The following KLF8 variants were observed in gnomAD, a reference collection of about 807,000 sequenced individuals.
KLF8 encodes the protein Krueppel-like factor 8.
KLF8 carries 10 observed loss-of-function variants against 18.2 expected under a neutral mutation model. The ratio of observed to expected loss-of-function variants is 0.55; its 90% CI spans 0.34 to 0.93. The LOEUF (loss-of-function observed/expected upper bound fraction) is 0.93, where lower values mean the gene tolerates loss of function less well. Ranked by LOEUF, KLF8 falls within the 40% of genes least tolerant of loss-of-function variation. KLF8 has a pLI of 0.02. For synonymous variants in KLF8, 109 were observed against 97.3 expected (o/e 1.12, Z -0.71); for missense variants, 264 against 277.9 (o/e 0.95, Z 0.36).
the KLF8 span, among the ~76,000 whole-genome samples, chrX:56,001,889 GC>G: frequency 8.9e-6 from 1 of 111,799 alleles, no homozygotes; most frequent in Admixed American, 9.5e-5. Context: ...TCACATAGTA[GC>G]CAGTGCAATC....
chrX:56,203,583 A>G, the KLF8 span, among the ~76,000 whole-genome samples: 10 of 112,459 alleles, frequency 8.9e-5, no homozygotes, highest in African/African-American at 2.9e-4. Context: ...TCTTTAATCC[A>G]TTTTGATTTT....
At chrX:55,989,648 T>C in the KLF8 span, among the ~76,000 whole-genome samples, 1 of 111,340 alleles carries the variant, frequency 9.0e-6, no homozygotes, top group East Asian at 2.8e-4. Context: ...GTCGGGGATA[T>C]TGGTCTAAAA....
chrX:56,062,967 C>G, the KLF8 span, among the ~76,000 whole-genome samples: 7 of 110,436 alleles, frequency 6.3e-5, no homozygotes, highest in Admixed American at 3.9e-4. Flanking sequence ...GCTATTGATA[C>G]TTGTGTATGC....
chrX:56,131,032 G>T, the KLF8 span, among the ~76,000 whole-genome samples: 1 of 110,989 alleles, frequency 9.0e-6, no homozygotes, highest in African/African-American at 3.3e-5. Flanking sequence ...CTAAGAATAA[G>T]AAAGTGGAAA....
the KLF8 span, among the ~76,000 whole-genome samples, chrX:56,207,986 G>A: frequency 2.7e-5 from 3 of 110,922 alleles, no homozygotes; most frequent in Non-Finnish European, 5.7e-5. Flanking sequence ...CTTACATCGT[G>A]GTAGGCAAGA....
the KLF8 span, among the ~76,000 whole-genome samples, chrX:55,988,179 T>C: frequency 1.8e-5 from 2 of 111,914 alleles, no homozygotes; most frequent in East Asian, 5.6e-4. Flanking sequence ...GTAGTTTCTT[T>C]TGCTGTGCAG....
At chrX:56,235,897 A>T (rs915012862) in intron 1 of KLF8, among the ~76,000 whole-genome samples, 2 of 112,216 alleles carry the variant, frequency 1.8e-5, no homozygotes, top group Admixed American at 1.9e-4. Flanking sequence ...TTTGTTATTT[A>T]AAAAAATTTG....
chrX:56,123,194 A>T, the KLF8 span, among the ~76,000 whole-genome samples: 1 of 109,772 alleles, frequency 9.1e-6, no homozygotes, highest in African/African-American at 3.3e-5. Context: ...CACCCCAAGC[A>T]TGTTTGACAG....
At chrX:56,211,770 C>CCTTT in the KLF8 span, among the ~76,000 whole-genome samples, 1 of 109,884 alleles carries the variant, frequency 9.1e-6, no homozygotes, top group South Asian at 3.9e-4. Flanking sequence ...GTCTTTCCTT[C>CCTTT]CCTTTCCAAA....
At chrX:56,045,914 G>A in the KLF8 span, among the ~76,000 whole-genome samples, 1 of 111,616 alleles carries the variant, frequency 9.0e-6, no homozygotes, top group Non-Finnish European at 1.9e-5. Context: ...AGGCATCGTT[G>A]TCTCTTCCCA....
chrX:56,261,748 T>A (rs1403102007), intron 2 of KLF8, among the ~76,000 whole-genome samples: 2 of 111,476 alleles, frequency 1.8e-5, no homozygotes, highest in Non-Finnish European at 3.8e-5. Context: ...TAAGTTAGAC[T>A]GTATAACAAT....
chrX:55,941,642 A>G, the KLF8 span, among the ~76,000 whole-genome samples: 1 of 112,134 alleles, frequency 8.9e-6, no homozygotes, highest in Non-Finnish European at 1.9e-5. Flanking sequence ...GCTAATATCC[A>G]GAATCTATAA....
chrX:56,142,600 A>T, the KLF8 span, among the ~76,000 whole-genome samples: 3 of 112,010 alleles, frequency 2.7e-5, no homozygotes, highest in African/African-American at 9.7e-5. Flanking sequence ...AAATTATAAC[A>T]TATATCTAAC....
chrX:55,979,665 T>C, the KLF8 span, among the ~76,000 whole-genome samples: 1 of 112,117 alleles, frequency 8.9e-6, no homozygotes, highest in Non-Finnish European at 1.9e-5. Flanking sequence ...GGACTGAAGC[T>C]GAGGTCAGAA....
At chrX:56,128,165 G>A in the KLF8 span, among the ~76,000 whole-genome samples, 1 of 112,174 alleles carries the variant, frequency 8.9e-6, no homozygotes, top group Non-Finnish European at 1.9e-5. Flanking sequence ...ATTTAAAAGA[G>A]TATAGCAACA....
the KLF8 span, among the ~76,000 whole-genome samples, chrX:56,211,008 G>T: frequency 2.7e-5 from 3 of 110,797 alleles, no homozygotes. Context: ...TGTCTGAAAG[G>T]TCGCATATCT....
the KLF8 span, among the ~76,000 whole-genome samples, chrX:56,077,468 T>C: frequency 8.9e-6 from 1 of 111,812 alleles, no homozygotes; most frequent in Non-Finnish European, 1.9e-5. Flanking sequence ...GCAGCATTGT[T>C]TCTGAGGGCT....
At chrX:56,122,541 CTA>C in the KLF8 span, among the ~76,000 whole-genome samples, 1 of 111,132 alleles carries the variant, frequency 9.0e-6, no homozygotes, top group Non-Finnish European at 1.9e-5. Flanking sequence ...TTTTTCTGCT[CTA>C]TGATAGTGGA....
the KLF8 span, among the ~76,000 whole-genome samples, chrX:55,922,672 T>C: frequency 8.9e-6 from 1 of 112,303 alleles, no homozygotes; most frequent in South Asian, 3.7e-4. Context: ...AGGCCATGAA[T>C]AGACACTTCT....
Sources: allele counts gnomAD v4.1 joint callset (sites outside exome capture counted in the v4.1 genomes callset), GRCh38; gene constraint gnomAD v4.1.1; transcripts MANE v1.5; gene names NCBI Gene and HGNC (gene_info 2026-07-23, HGNC 2026-07-21).